EPB41: variants seen among roughly 807,000 people sequenced by gnomAD.
The protein encoded by EPB41 is erythrocyte membrane protein band 4.1.
A neutral mutation model predicts 108.0 loss-of-function variants in EPB41; 65 were observed. That is an observed-to-expected ratio of 0.60 (90% CI 0.49 to 0.74). The LOEUF is 0.74. Among genes scored for constraint, EPB41 ranks in the 30% least tolerant of loss-of-function variants. The pLI is 0.00. For synonymous variants in EPB41, 336 were observed against 358.9 expected, an observed-to-expected ratio of 0.94 and a Z score of 0.72; for missense variants, 875 against 1,037.0, an observed-to-expected ratio of 0.84 and a Z score of 2.15.
At chr1:29,058,461 G>A in intron 12 of EPB41, 128 bp from the exon 13 acceptor site, 1 of 823,004 alleles carries the variant, frequency 1.2e-6, no homozygotes, top group Non-Finnish European at 2.0e-6. Context: ...CCATAAGACT[G>A]CATCATGATG....
intron 1 of EPB41, chr1:28,902,179 A>G: frequency 1.0e-6 from 1 of 985,280 alleles, no homozygotes; most frequent in Non-Finnish European, 1.2e-6. Context: ...AGAAAAAGTG[A>G]GCGGTCATCA....
chr1:28,952,211 T>G (rs533576998), intron 1 of EPB41, among the ~76,000 whole-genome samples: 10 of 152,148 alleles, frequency 6.6e-5, no homozygotes, highest in Admixed American at 3.9e-4. Context: ...GATACTTTTT[T>G]TTTTTTTTCT....
rs188526321 is a variant in EPB41 at position 29,002,034 on chromosome 1, A to G, written c.786+4715A>G. Among the ~76,000 whole-genome samples the G allele has an allele frequency of 3.4e-3, 522 of 152,336 alleles. 1 individual carries two copies. Among genetic ancestry groups the G allele is most frequent in the Non-Finnish European group, 6.6e-3 (452 of 68,024 alleles). ...TTGCCACATACTAGTTGCAAGTTAGATAAGTTACTTGTCCTTCTGTTTTCT... is the reference window on the plus strand; with the variant it reads ...TTGCCACATACTAGTTGCAAGTTAGGTAAGTTACTTGTCCTTCTGTTTTCT... On this transcript the variant is annotated intron_variant, in intron 4 of 20. Transcript: ENST00000343067.
At chr1:29,088,569 C>T (rs1660092819) in intron 16 of EPB41, among the ~76,000 whole-genome samples, 1 of 152,136 alleles carries the variant, frequency 6.6e-6, no homozygotes, top group African/African-American at 2.4e-5. Flanking sequence ...TGATGATGGT[C>T]ACAGCCAAAG....
At chr1:29,105,759 T>G (rs1666928691) in intron 17 of EPB41, among the ~76,000 whole-genome samples, 1 of 146,772 alleles carries the variant, frequency 6.8e-6, no homozygotes, top group African/African-American at 2.5e-5. Context: ...TTTTTTTTTT[T>G]TTTTTTTGAG....
At chr1:29,038,290 A>G (rs1203755712) in intron 10 of EPB41, among the ~76,000 whole-genome samples, 1 of 152,212 alleles carries the variant, frequency 6.6e-6, no homozygotes, top group African/African-American at 2.4e-5. Flanking sequence ...CAAACCACAA[A>G]AGTAGAATTT....
At chr1:28,902,505 C>T (rs1435087707) in intron 1 of EPB41, among the ~76,000 whole-genome samples, 1 of 152,160 alleles carries the variant, frequency 6.6e-6, no homozygotes, top group Non-Finnish European at 1.5e-5. Context: ...GGAACTTTCC[C>T]CTTCCCAGCT....
intron 16 of EPB41, among the ~76,000 whole-genome samples, chr1:29,081,858 C>T (rs1044085361): frequency 7.0e-6 from 1 of 142,092 alleles, no homozygotes; most frequent in Non-Finnish European, 1.5e-5. Context: ...AAAAACCTAA[C>T]ACTTCACATT....
chr1:29,098,086 G>A (rs748348542), intron 17 of EPB41, 151 bp downstream of exon 17: 39 of 1,198,538 alleles, frequency 3.3e-5, no homozygotes, highest in Admixed American at 4.1e-5. Context: ...GAAGGTCCCA[G>A]ACTACTTTAT....
intron 1 of EPB41, among the ~76,000 whole-genome samples, chr1:28,954,437 T>C (rs2094865107): frequency 6.6e-6 from 1 of 152,244 alleles, no homozygotes; most frequent in African/African-American, 2.4e-5. Context: ...TTGCTGTTCC[T>C]TAAATCAGGG....
rs539522285 is a variant in EPB41 at position 28,907,763 on chromosome 1, C to A, written c.-8+20553C>A. ...GAGTAGCTGGGACCACAGGCAGGTG[C>A]CACCATGCTTGGCTATTGTTTTTTT... On this transcript the variant is annotated intron_variant, in intron 1 of 16. Coordinates refer to the EPB41 transcript ENST00000347529. Among the ~76,000 whole-genome samples the A allele has an allele frequency of 2.6e-5, 4 of 152,280 alleles. No homozygotes were observed. In the East Asian group the frequency reaches 7.7e-4, roughly 29 times the overall value.
intron 5 of EPB41, among the ~76,000 whole-genome samples, chr1:29,012,925 C>T (rs2096527267): frequency 1.3e-5 from 2 of 152,130 alleles, no homozygotes; most frequent in African/African-American, 4.8e-5. Context: ...AAAAATATAA[C>T]TCCTTGCTCC....
At chr1:28,904,787 A>G (rs756855402) in intron 1 of EPB41, among the ~76,000 whole-genome samples, 5 of 152,072 alleles carry the variant, frequency 3.3e-5, no homozygotes, top group Admixed American at 6.6e-5. Context: ...TGATCCCAGC[A>G]TTTTGGGAGG....
In EPB41 at chr1:29,112,518, T is replaced by C. The variant is rs940748464; in HGVS notation, c.2496+70T>C. 12 of 1,288,502 alleles carry C rather than the reference T, an allele frequency of 9.3e-6. No individual in the cohort carries two copies. The African/African-American group carries it at 1.6e-4, about 17-fold the overall frequency. The allele number at this position is 1,288,502 out of a possible 1,614,324, so 79.8% of individuals were successfully genotyped here. ...AGGAAGACCGATGAATACAGGAGTT[T>C]GTTTGCCATCTTCATCTGCAAAAAG... On this transcript the variant is annotated intron_variant, in intron 19 of 20. Transcript: ENST00000343067.
At chr1:28,976,389 T>G (rs1157349689) in intron 1 of EPB41, among the ~76,000 whole-genome samples, 1 of 152,138 alleles carries the variant, frequency 6.6e-6, no homozygotes, top group East Asian at 1.9e-4. Flanking sequence ...GGGTTTCACT[T>G]TGTCACCCAT....
At chr1:29,036,788 G>A (rs1639663638) in intron 10 of EPB41, among the ~76,000 whole-genome samples, 2 of 150,488 alleles carry the variant, frequency 1.3e-5, no homozygotes, top group Non-Finnish European at 2.9e-5. Flanking sequence ...CAATTCTCCT[G>A]CCCCAGTCTC....
chr1:28,984,923 T>A (rs1308534209), intron 1 of EPB41, among the ~76,000 whole-genome samples: 1 of 152,192 alleles, frequency 6.6e-6, no homozygotes, highest in Non-Finnish European at 1.5e-5. Context: ...CCTCCCAAAT[T>A]GCTGGGATTA....
At chr1:29,007,782 C>T (rs975646917) in intron 4 of EPB41, among the ~76,000 whole-genome samples, 2 of 152,108 alleles carry the variant, frequency 1.3e-5, no homozygotes, top group African/African-American at 4.8e-5. Context: ...GCTCTTTGTT[C>T]TCTCTCCATA....
intron 16 of EPB41, among the ~76,000 whole-genome samples, chr1:29,074,923 C>T (rs1238584820): frequency 6.6e-6 from 1 of 152,178 alleles, no homozygotes; most frequent in African/African-American, 2.4e-5. Flanking sequence ...CTTTGGGAGG[C>T]TGAGGCGGGC....
Sources: gnomAD v4.1 joint callset for allele counts (sites outside exome capture counted in the v4.1 genomes callset) on GRCh38, gnomAD v4.1.1 for gene constraint, MANE v1.5 for transcripts, NCBI Gene and HGNC (gene_info 2026-07-23, HGNC 2026-07-21) for gene names.